The following TOMM70 variants were observed in gnomAD, a reference collection of about 807,000 sequenced individuals.
TOMM70 encodes mitochondrial import receptor subunit TOM70.
A neutral mutation model predicts 73.6 loss-of-function variants in TOMM70; 13 were observed. The ratio of observed to expected loss-of-function variants is 0.18; its 90% CI spans 0.11 to 0.28. TOMM70 has a LOEUF of 0.28. TOMM70 is among the 10% of genes least tolerant of loss of function. The pLI is 1.00. For missense variants in TOMM70, 609 were observed against 747.5 expected (o/e 0.81, Z 2.16); for synonymous variants, 257 against 271.2 (o/e 0.95, Z 0.51).
At chr3:100,398,888 T>C (rs1219556194) in intron 1 of TOMM70, among the ~76,000 whole-genome samples, 1 of 152,252 alleles carries the variant, frequency 6.6e-6, no homozygotes, top group Non-Finnish European at 1.5e-5. Flanking sequence ...AAAGATCATA[T>C]GGCTTTCTCA....
At chr3:100,396,679 A>T (rs1334299387) in intron 1 of TOMM70, among the ~76,000 whole-genome samples, 1 of 152,146 alleles carries the variant, frequency 6.6e-6, no homozygotes, top group Non-Finnish European at 1.5e-5. Context: ...CTTCAAGTTT[A>T]AAAAAATTAC....
chr3:100,400,547 G>T, intron 1 of TOMM70, 79 bp downstream of exon 1: 1 of 1,493,052 alleles, frequency 6.7e-7, no homozygotes. Context: ...CTGATGGGAA[G>T]CCCCCTCACT....
At chr3:100,391,181 A>G (rs1003020300) in intron 1 of TOMM70, among the ~76,000 whole-genome samples, 10 of 152,192 alleles carry the variant, frequency 6.6e-5, no homozygotes, top group African/African-American at 2.4e-4. Flanking sequence ...TATAGTACAT[A>G]TACTTGAGAA....
rs1706893488 is a variant in TOMM70, at chr3:100,400,875, G to A, written c.75C>T (p.Gly25=). The A allele has an allele frequency of 3.9e-6, 6 of 1,527,220 alleles. No individual in the cohort carries two copies. The highest frequency in any genetic ancestry group is 2.5e-5 in the East Asian group (1 of 39,666). 94.6% of individuals were successfully genotyped at this position (1,527,220 alleles called of 1,614,324 possible). ...AVPSSGSGVG[G]GGTAGPGTGG... is the part of the protein sequence containing the mutation. The stretch of plus-strand genomic sequence containing the variant: ...CCGTGCCCGGGCCCGCAGTCCCGCC[G>A]CCGCCCACCCCACTCCCGGAGCTCG... Residue 25 remains glycine, a synonymous_variant, in exon 1 of 12, where the codon GGC becomes GGT. Coordinates refer to ENST00000284320, the MANE Select transcript of TOMM70 (RefSeq NM_014820.5).
intron 1 of TOMM70, among the ~76,000 whole-genome samples, chr3:100,396,077 T>C (rs1706823091): frequency 1.3e-5 from 2 of 151,648 alleles, no homozygotes; most frequent in South Asian, 4.2e-4. Context: ...GGAAAAGTTA[T>C]GACATTTAGA....
chr3:100,387,491 C>T (rs1448647972), intron 1 of TOMM70, among the ~76,000 whole-genome samples: 1 of 151,762 alleles, frequency 6.6e-6, no homozygotes, highest in East Asian at 1.9e-4. Flanking sequence ...TGCTATGCTG[C>T]CCAGGCTACT....
chr3:100,384,343 G>A, intron 4 of TOMM70, 136 bp downstream of exon 4: 1 of 534,506 alleles, frequency 1.9e-6, no homozygotes. Context: ...AAAGATAACA[G>A]GAAGAAGAAA....
At position 100,365,721 on chromosome 3, in the gene TOMM70, A is replaced by G. The variant is rs770189093; in HGVS notation, c.1674-4T>C. The G allele has an allele frequency of 6.2e-7, 1 of 1,613,824 alleles. No individual in the cohort carries two copies. The highest frequency in any genetic ancestry group is 1.1e-5 in the South Asian group (1 of 91,056). On this transcript the variant is annotated splice_region_variant and splice_polypyrimidine_tract_variant and intron_variant, in intron 11 of 11. Transcript: ENST00000284320. Reference sequence around the variant, plus strand: ...AATGGCTTTCTCCATGTTTCCTCTAAAAGAACAAAATTTTTAAGTCTCAGA... The same window carrying G: ...AATGGCTTTCTCCATGTTTCCTCTAGAAGAACAAAATTTTTAAGTCTCAGA...
At chr3:100,398,383 CAAAA>C (rs397970636) in intron 1 of TOMM70, among the ~76,000 whole-genome samples, 7 of 97,968 alleles carry the variant, frequency 7.1e-5, no homozygotes, top group Non-Finnish European at 1.1e-4. Context: ...GACGCTGTCT[CAAAA>C]AAAAAAAAAA....
In TOMM70 at chr3:100,370,201, G is replaced by C. The variant is rs555087623; in HGVS notation, c.1453-1066C>G. Among the ~76,000 whole-genome samples, 22 of 152,242 alleles carry C rather than the reference G, an allele frequency of 1.4e-4. No individual in the cohort carries two copies. In the South Asian group the frequency reaches 3.9e-3, roughly 27 times the overall value. On this transcript the variant is annotated intron_variant, in intron 9 of 11. Coordinates refer to ENST00000284320, the MANE Select transcript of TOMM70 (RefSeq NM_014820.5). ...ATTTTTATAGCTTCCATCATTGTGA[G>C]CATGGATGCCTTCCTGATATATTTT...
rs369975182 is a variant in TOMM70, at chr3:100,386,898, C to T, written c.405G>A (p.Gln135=). 5.6e-6 allele frequency: 9 copies of T among 1,613,974 alleles called. No individual in the cohort carries two copies. In the African/African-American group the frequency reaches 6.7e-5, roughly 12 times the overall value. Residue 135 remains glutamine, a synonymous_variant, in exon 2 of 12, where the codon CAG becomes CAA. Coordinates refer to ENST00000284320, the MANE Select transcript of TOMM70 (RefSeq NM_014820.5). ...FKAGKYEQAI[Q]CYTEAISLCP... is the part of the protein sequence containing the mutation. Reference sequence around the variant, plus strand: ...ACAAGCTAATAGCCTCAGTATAGCACTGAATAGCTTGTTCATATTTTCCTG... The same window carrying T: ...ACAAGCTAATAGCCTCAGTATAGCATTGAATAGCTTGTTCATATTTTCCTG...
At chr3:100,378,139 A>T (rs1366250233) in intron 5 of TOMM70, among the ~76,000 whole-genome samples, 1 of 152,066 alleles carries the variant, frequency 6.6e-6, no homozygotes, top group Non-Finnish European at 1.5e-5. Context: ...GATACTTAGG[A>T]GGCTGAGGCA....
At chr3:100,396,849 C>A (rs2148895391) in intron 1 of TOMM70, among the ~76,000 whole-genome samples, 1 of 152,256 alleles carries the variant, frequency 6.6e-6, no homozygotes, top group East Asian at 1.9e-4. Context: ...CTATGAATAT[C>A]CTTTGCACTT....
intron 7 of TOMM70, 47 bp from the exon 8 acceptor site, chr3:100,373,692 A>AGTAT: frequency 1.2e-6 from 1 of 810,944 alleles, no homozygotes; most frequent in South Asian, 1.7e-5. Context: ...AGTCCAGTTA[A>AGTAT]GTATGTTCAG....
chr3:100,366,699 G>A (rs756210039), intron 11 of TOMM70, among the ~76,000 whole-genome samples: 2 of 152,198 alleles, frequency 1.3e-5, no homozygotes, highest in Non-Finnish European at 2.9e-5. Flanking sequence ...GTAAGGTTCA[G>A]AATGGATTTT....
rs1173600295 is a variant in TOMM70 at position 100,363,438 on chromosome 3, C to A, written c.*2126G>T. On this transcript the variant is annotated 3_prime_UTR_variant, in exon 12 of 12. Coordinates refer to ENST00000284320, the MANE Select transcript of TOMM70 (RefSeq NM_014820.5). ...TGCCCAGCCTAAACTACCTATCTTT[C>A]TATTTAAAGAATAGATAGAAGAGCT... 3.9e-5 allele frequency: 6 copies of A among 152,566 alleles called. No individual in the cohort carries two copies. The highest frequency in any genetic ancestry group is 1.4e-4 in the African/African-American group (6 of 41,428). 9.5% of individuals were successfully genotyped at this position (152,566 alleles called of 1,614,324 possible).
chr3:100,387,090 G>A (rs921806256), intron 1 of TOMM70, 112 bp from the exon 2 acceptor site: 182 of 1,108,246 alleles, frequency 1.6e-4, no homozygotes, highest in Non-Finnish European at 2.1e-4. Context: ...TGTTTACAAT[G>A]TAAGTTGCTT....
In TOMM70 at chr3:100,369,048, C is replaced by T. The variant is rs957967770; in HGVS notation, c.1540G>A (p.Val514Ile). ...DLEPDNATTY[V>I]HKGLLQLQWK... ...CACAAAAATACATACCCTTTATGAACATATGTTGTAGCATTATCTGGTTCC... is the reference window on the plus strand; with the variant it reads ...CACAAAAATACATACCCTTTATGAATATATGTTGTAGCATTATCTGGTTCC... Residue 514 changes from valine to isoleucine, a missense_variant, in exon 10 of 12, where the codon GTT becomes ATT. This residue lies in a region of TOMM70 where 432 missense variants were observed against 584.1 expected (regional missense o/e 0.74). Transcript: ENST00000284320. 2.5e-6 allele frequency: 4 copies of T among 1,601,872 alleles called. No homozygotes were observed. The highest frequency in any genetic ancestry group is 3.4e-5 in the Admixed American group (2 of 59,102).
intron 9 of TOMM70, 80 bp downstream of exon 9, chr3:100,372,526 A>G (rs938056196): frequency 4.3e-6 from 5 of 1,149,444 alleles, no homozygotes; most frequent in Non-Finnish European, 6.3e-6. Context: ...TGCAACCATG[A>G]TAGCACTGTT....
Sources: gnomAD v4.1 joint callset for allele counts (sites outside exome capture counted in the v4.1 genomes callset) on GRCh38, gnomAD v4.1.1 for gene constraint, gnomAD v4.1.1 regional missense constraint, MANE v1.5 for transcripts, NCBI Gene and HGNC (gene_info 2026-07-23, HGNC 2026-07-21) for gene names.